The following ABCA8 variants were observed in gnomAD, a reference collection of about 807,000 sequenced individuals.
The protein encoded by ABCA8 is ABC-type organic anion transporter ABCA8.
Under a neutral mutation model 192.3 loss-of-function variants are expected in ABCA8, and 177 were observed. The ratio of observed to expected loss-of-function variants is 0.92; its 90% CI spans 0.81 to 1.04. The LOEUF is 1.04. Among genes scored for constraint, ABCA8 ranks in the 50% least tolerant of loss-of-function variants. The pLI is 0.00. For synonymous variants in ABCA8, 642 were observed against 690.2 expected (o/e 0.93, Z 1.09); for missense variants, 1,915 against 1,904.8 (o/e 1.01, Z -0.10).
intron 5 of ABCA8, among the ~76,000 whole-genome samples, chr17:68,933,615 C>T (rs933620694): frequency 7.2e-5 from 11 of 152,010 alleles, no homozygotes; most frequent in African/African-American, 2.7e-4. Flanking sequence ...TAATGTTTTT[C>T]AAAAGTTCAC....
chr17:68,950,990 G>A (rs145298411), intron 1 of ABCA8, among the ~76,000 whole-genome samples: 5 of 152,060 alleles, frequency 3.3e-5, no homozygotes, highest in African/African-American at 1.2e-4. Flanking sequence ...TTCTTCCATT[G>A]CTGTGAGAGC....
At chr17:68,927,129 A>G (rs1242923238) in intron 10 of ABCA8, among the ~76,000 whole-genome samples, 1 of 152,144 alleles carries the variant, frequency 6.6e-6, no homozygotes, top group African/African-American at 2.4e-5. Context: ...CGTGTGGCAC[A>G]CATCTGTAAT....
Position 68,932,321 on chromosome 17 carries a change from A to G in ABCA8, c.764T>C (p.Met255Thr), listed in dbSNP as rs139795936. The G allele has an allele frequency of 6.2e-7, 1 of 1,613,986 alleles. No homozygotes were observed. The highest frequency in any genetic ancestry group is 1.3e-5 in the African/African-American group (1 of 75,028). Residue 255 changes from methionine to threonine, a missense_variant, in exon 7 of 40, where the codon ATG (methionine) becomes ACG (threonine). Transcript: ENST00000586539. ...TRERKRMKAL[M>T]TMMGLRDSAF... ...TGAATCCCGAAGACCCATCATTGTCATCAAGGCCTTCATCCTTTTCCTCTC... is the reference window on the plus strand; with the variant it reads ...TGAATCCCGAAGACCCATCATTGTCGTCAAGGCCTTCATCCTTTTCCTCTC...
At chr17:68,940,731 T>G (rs748858305) in intron 4 of ABCA8, 27 bp downstream of exon 4, 1 of 1,575,976 alleles carries the variant, frequency 6.3e-7, no homozygotes, top group Non-Finnish European at 8.7e-7. Context: ...ACACCAGACA[T>G]TCTTCTTAAG....
At position 68,918,135 on chromosome 17, in the gene ABCA8, G is replaced by T; in HGVS notation, c.1959C>A (p.His653Gln). The change falls in exon 16 of 40, where the codon CAC (histidine) becomes CAA (glutamine). Residue 653 changes from histidine (H) to glutamine (Q), a missense_variant. His to Gln is a conservative substitution (Grantham distance 24, BLOSUM62 0). Coordinates refer to ENST00000586539, the MANE Select transcript of ABCA8 (RefSeq NM_001288985.2). ...PTAGLDPFSR[H>Q]QVWNLLKERK... is the part of the protein sequence containing the mutation. ...GTTCTTTCAGAAGGTTCCATACTTG[G>T]TGTCTTGAAAAGGGATCCAATCCAG... 1 of 1,614,124 alleles carries T rather than the reference G, an allele frequency of 6.2e-7. No homozygotes were observed. The highest frequency in any genetic ancestry group is 8.5e-7 in the Non-Finnish European group (1 of 1,180,028).
chr17:68,915,714 T>C (rs942491746), intron 17 of ABCA8, among the ~76,000 whole-genome samples: 1 of 152,116 alleles, frequency 6.6e-6, no homozygotes, highest in South Asian at 2.1e-4. Flanking sequence ...GACAACGTTT[T>C]CAAGTTCCAC....
intron 21 of ABCA8, among the ~76,000 whole-genome samples, chr17:68,899,328 G>T (rs1031744952): frequency 6.6e-6 from 1 of 151,948 alleles, no homozygotes; most frequent in East Asian, 1.9e-4. Flanking sequence ...ACTATATACT[G>T]TTTATAGGAG....
chr17:68,938,970 C>G (rs1187864006), intron 4 of ABCA8, among the ~76,000 whole-genome samples: 1 of 152,126 alleles, frequency 6.6e-6, no homozygotes, highest in Non-Finnish European at 1.5e-5. Context: ...CTGGTTATAA[C>G]AACTAAATAT....
At chr17:68,921,257 G>A (rs1055218541) in intron 13 of ABCA8, 125 bp downstream of exon 13, 31 of 413,346 alleles carry the variant, frequency 7.5e-5, no homozygotes, top group African/African-American at 3.4e-4. Context: ...GTTAAATGAC[G>A]CGTTAATGGG....
At chr17:68,948,779 C>T (rs969755901) in intron 2 of ABCA8, among the ~76,000 whole-genome samples, 1 of 152,118 alleles carries the variant, frequency 6.6e-6, no homozygotes, top group Non-Finnish European at 1.5e-5. Context: ...GCTTTTGTTG[C>T]AATTGCTTTT....
chr17:68,947,527 A>ATTTCC (rs2068444742), intron 2 of ABCA8, among the ~76,000 whole-genome samples: 1 of 152,088 alleles, frequency 6.6e-6, no homozygotes, highest in South Asian at 2.1e-4. Context: ...GGAAGATCTG[A>ATTTCC]TCTTAGAAGG....
intron 11 of ABCA8, among the ~76,000 whole-genome samples, chr17:68,923,777 A>G (rs2067612660): frequency 6.6e-6 from 1 of 152,202 alleles, no homozygotes; most frequent in Non-Finnish European, 1.5e-5. Context: ...AATCTGAGAC[A>G]TTTCACAGGG....
Position 68,867,552 on chromosome 17 carries a change from A to C in ABCA8, c.*533T>G, listed in dbSNP as rs1234241190. ...GCCTACATCATGGTGTTACCTGTGGATATGTTATCAACGATATTGATATCA... is the reference window on the plus strand; with the variant it reads ...GCCTACATCATGGTGTTACCTGTGGCTATGTTATCAACGATATTGATATCA... On this transcript the variant is annotated 3_prime_UTR_variant, in exon 40 of 40. Coordinates refer to ENST00000586539, the MANE Select transcript of ABCA8 (RefSeq NM_001288985.2). 6.6e-6 allele frequency: 1 copy of C among 152,200 alleles called. No individual in the cohort carries two copies. The highest frequency in any genetic ancestry group is 1.5e-5 in the Non-Finnish European group (1 of 68,048). The allele number at this position is 152,200 out of a possible 1,614,324, so 9.4% of individuals were successfully genotyped here.
At position 68,887,126 on chromosome 17, in the gene ABCA8, G is replaced by T. The variant is rs2066482480; in HGVS notation, c.3320C>A (p.Pro1107Gln). ...GGAAAAGGAATAACCAACAGCACAT[G>T]GGATCTAAAATCAACAGGAATGTGA... ...LLTIIHIIQI[P>Q]CAVGYSFSLI... is the part of the protein sequence containing the mutation. The change falls in exon 26 of 40, where the codon CCA (proline) becomes CAA (glutamine). Residue 1107 changes from proline to glutamine, a missense_variant. Transcript: ENST00000586539. 6.3e-7 allele frequency: 1 copy of T among 1,594,708 alleles called. No homozygotes were observed. The highest frequency in any genetic ancestry group is 8.6e-7 in the Non-Finnish European group (1 of 1,168,782).
chr17:68,917,326 C>G lies in ABCA8; in HGVS notation c.2138+35G>C, dbSNP rs1157106224. On this transcript the variant is annotated intron_variant, in intron 17 of 39. Transcript: ENST00000586539. ...TTTGCTTCAAGCATCAAGCCTTACA[C>G]TAGATCTACTCCCAGCCTTCTTAAG... 26 of 1,333,796 alleles carry G rather than the reference C, an allele frequency of 1.9e-5. 1 individual carries two copies. The highest frequency in any genetic ancestry group is 2.7e-5 in the Non-Finnish European group (25 of 941,986). 82.6% of individuals were successfully genotyped at this position (1,333,796 alleles called of 1,614,324 possible).
At position 68,903,424 on chromosome 17, in the gene ABCA8, A is replaced by T. The variant is rs376234966; in HGVS notation, c.2474T>A (p.Leu825His). The T allele has an allele frequency of 1.9e-6, 3 of 1,614,052 alleles. No homozygotes were observed. The African/African-American group carries it at 4.0e-5, about 22-fold the overall frequency. Reference sequence around the variant, plus strand: ...CTTTCTCATCTTGTTAAGTGAAGAGAGGACTTGTTCCATCTCAACAAGCCT... The same window carrying T: ...CTTTCTCATCTTGTTAAGTGAAGAGTGGACTTGTTCCATCTCAACAAGCCT... ...TERLVEMEQVLSSLNKMRKTI... is the reference protein window; with the variant it reads ...TERLVEMEQVHSSLNKMRKTI... The change falls in exon 20 of 40, where the codon CTC becomes CAC. Residue 825 changes from leucine (L) to histidine (H), a missense_variant. Leu to His is a moderately conservative substitution (Grantham distance 99, BLOSUM62 -3). Coordinates refer to ENST00000586539, the MANE Select transcript of ABCA8 (RefSeq NM_001288985.2).
chr17:68,928,212 A>C, intron 9 of ABCA8, 149 bp from the exon 10 acceptor site: 1 of 578,698 alleles, frequency 1.7e-6, no homozygotes, highest in Non-Finnish European at 2.8e-6. Flanking sequence ...TGGTTCTCAA[A>C]TCTATGCCTT....
Position 68,918,034 on chromosome 17 carries a change from A to T in ABCA8, c.2047+13T>A. The T allele has an allele frequency of 6.2e-7, 1 of 1,613,878 alleles. No homozygotes were observed. Among genetic ancestry groups the T allele is most frequent in the South Asian group, 1.1e-5 (1 of 90,960 alleles). ...AGTCCTCCTCAGGATACTTAACAGA[A>T]ACCAGTGATTACCCGCCAGGATGTC... is the stretch of plus-strand genomic sequence containing the variant. On this transcript the variant is annotated intron_variant, in intron 16 of 39. Coordinates refer to ENST00000586539, the MANE Select transcript of ABCA8 (RefSeq NM_001288985.2).
chr17:68,888,369 G>A (rs1176619570), intron 24 of ABCA8, among the ~76,000 whole-genome samples: 2 of 152,002 alleles, frequency 1.3e-5, no homozygotes, highest in Non-Finnish European at 2.9e-5. Context: ...TAAGAGTTGT[G>A]AATTTTTTTC....
Sources: gnomAD v4.1 joint callset for allele counts (sites outside exome capture counted in the v4.1 genomes callset) on GRCh38, gnomAD v4.1.1 for gene constraint, MANE v1.5 for transcripts, NCBI Gene and HGNC (gene_info 2026-07-23, HGNC 2026-07-21) for gene names.